Variants in NPHP4 observed in about 807,000 individuals in gnomAD.
The protein encoded by NPHP4 is nephrocystin-4.
NPHP4 carries 151 observed loss-of-function variants against 155.8 expected under a neutral mutation model. The observed-to-expected ratio is 0.97, with a 90% CI of 0.85 to 1.11. The LOEUF (loss-of-function observed/expected upper bound fraction) is 1.11, where lower values mean the gene tolerates loss of function less well. Among genes scored for constraint, NPHP4 ranks in the 50% least tolerant of loss-of-function variants. NPHP4 has a pLI of 0.00. For missense variants in NPHP4, 1,956 were observed against 1,925.7 expected, an observed-to-expected ratio of 1.02 and a Z score of -0.29; for synonymous variants, 845 against 816.8, an observed-to-expected ratio of 1.03 and a Z score of -0.59.
chr1:5,986,889 G>A (rs1430649365), intron 1 of NPHP4, among the ~76,000 whole-genome samples: 2 of 152,076 alleles, frequency 1.3e-5, no homozygotes, highest in African/African-American at 4.8e-5. Flanking sequence ...GTGGGTGGCT[G>A]CTGAAATACA....
rs1310939721 is a variant in NPHP4 at position 5,867,484 on chromosome 1, G to A, written c.3472+256C>T. The A allele has an allele frequency of 1.7e-5, 10 of 574,000 alleles. No individual in the cohort carries two copies. The Admixed American group carries it at 2.8e-4, about 16-fold the overall frequency. The allele number at this position is 574,000 out of a possible 1,614,324, so 35.6% of individuals were successfully genotyped here. A position where few individuals can be genotyped will look rare whatever the true frequency, so the allele number is the denominator to read the frequency against. ...GGTAGGTGTTCCTCCAGGCACACCTGGACCTGGGCCGCGGGAGCTGGGATT... is the reference window on the plus strand; with the variant it reads ...GGTAGGTGTTCCTCCAGGCACACCTAGACCTGGGCCGCGGGAGCTGGGATT... On this transcript the variant is annotated intron_variant, in intron 24 of 29. Transcript: ENST00000378156. This position sits in a 1 kb window ranked among gnomAD's most constrained non-coding sequence, Gnocchi z 4.1.
intron 17 of NPHP4, among the ~76,000 whole-genome samples, chr1:5,888,902 G>A (rs907018291): frequency 6.6e-6 from 1 of 152,182 alleles, no homozygotes; most frequent in African/African-American, 2.4e-5. Context: ...CATGTCATTA[G>A]GGAGAAGAGG....
At position 5,865,342 on chromosome 1, in the gene NPHP4, A is replaced by G. The variant is rs1193159129; in HGVS notation, c.3645-69T>C. ...AGCACCGGCCCACGAGAGGCCAACAAGGGCTGCCAGGAGCGTGGGCAGACA... is the reference window on the plus strand; with the variant it reads ...AGCACCGGCCCACGAGAGGCCAACAGGGGCTGCCAGGAGCGTGGGCAGACA... On this transcript the variant is annotated intron_variant, in intron 26 of 29. Coordinates refer to ENST00000378156, the MANE Select transcript of NPHP4 (RefSeq NM_015102.5). 2.9e-6 allele frequency: 4 copies of G among 1,364,858 alleles called. No individual in the cohort carries two copies. The South Asian group carries it at 4.5e-5, about 15-fold the overall frequency. The allele number at this position is 1,364,858 out of a possible 1,614,324, so 84.5% of individuals were successfully genotyped here.
chr1:5,875,705 G>A (rs1329379835), intron 20 of NPHP4, among the ~76,000 whole-genome samples: 1 of 152,208 alleles, frequency 6.6e-6, no homozygotes, highest in Non-Finnish European at 1.5e-5. Context: ...GGACTTACAA[G>A]AAAAAGTAAG....
intron 10 of NPHP4, among the ~76,000 whole-genome samples, chr1:5,931,962 T>C (rs1646298853): frequency 6.6e-6 from 1 of 151,916 alleles, no homozygotes; most frequent in Non-Finnish European, 1.5e-5. Context: ...TAGTCCTAGC[T>C]ACTCAGGACA....
chr1:5,982,185 T>C (rs974546195), intron 2 of NPHP4, among the ~76,000 whole-genome samples: 3 of 152,248 alleles, frequency 2.0e-5, no homozygotes, highest in Non-Finnish European at 2.9e-5. Context: ...CTCTATTATT[T>C]GTCCTTTATT....
intron 19 of NPHP4, among the ~76,000 whole-genome samples, chr1:5,878,591 A>ACC (rs1642866644): frequency 6.6e-6 from 1 of 152,254 alleles, no homozygotes; most frequent in African/African-American, 2.4e-5. Flanking sequence ...ATTTCGTGCA[A>ACC]CTTGCTAATT....
chr1:5,916,000 A>G (rs1645450648), intron 11 of NPHP4, among the ~76,000 whole-genome samples: 1 of 152,170 alleles, frequency 6.6e-6, no homozygotes, highest in Non-Finnish European at 1.5e-5. Flanking sequence ...ATCTAACTCC[A>G]CGTGTCCTGG....
chr1:5,946,357 T>C (rs1647098155), intron 9 of NPHP4, among the ~76,000 whole-genome samples: 1 of 152,234 alleles, frequency 6.6e-6, no homozygotes, highest in Non-Finnish European at 1.5e-5. Context: ...TATAGGTATA[T>C]ATAAAGTTCC....
intron 12 of NPHP4, 82 bp from the exon 13 acceptor site, chr1:5,907,304 C>T (rs944775994): frequency 6.8e-5 from 58 of 847,094 alleles, no homozygotes; most frequent in East Asian, 3.2e-4. Context: ...CTGGCCACAC[C>T]GGGGAACGGG....
chr1:5,932,974 TTATCA>T (rs1399525393), intron 10 of NPHP4, among the ~76,000 whole-genome samples, 168 bp downstream of exon 10: 11 of 152,356 alleles, frequency 7.2e-5, no homozygotes, highest in African/African-American at 2.6e-4. Flanking sequence ...AAAACTGGTC[TTATCA>T]GGTTTACATA....
rs1438232573 is a variant in NPHP4, at chr1:5,905,545, C to T, written c.1764-62G>A. ...AAGGGGGGACCCATTGATGCACCTC[C>T]CTGTGGAAACCCTGGGGTTCACAAG... On this transcript the variant is annotated intron_variant, in intron 14 of 29. Transcript: ENST00000378156. The surrounding 1 kb of genome is among the most constrained non-coding windows in gnomAD (Gnocchi z 4.0). 1.9e-6 allele frequency: 3 copies of T among 1,599,204 alleles called. No individual in the cohort carries two copies.
rs115910810 is a variant in NPHP4 at position 5,863,309 on chromosome 1, C to T, written c.4237G>A (p.Asp1413Asn). Reference sequence around the variant, plus strand: ...ACGCAAAATGCCTCTTCGTTTTTGTCCTCATGGTCATTGATGTAGATCAGG... The same window carrying T: ...ACGCAAAATGCCTCTTCGTTTTTGTTCTCATGGTCATTGATGTAGATCAGG... The part of the protein sequence containing the change: ...EILIYINDHE[D>N]KNEEAFCVKV... The change falls in exon 30 of 30, where the codon GAC becomes AAC. Residue 1413 changes from aspartate to asparagine, a missense_variant. Physicochemically the swap from Asp to Asn is conservative, Grantham distance 23 (BLOSUM62 1). Coordinates refer to ENST00000378156, the MANE Select transcript of NPHP4 (RefSeq NM_015102.5). 878 of 1,614,042 alleles carry T rather than the reference C, an allele frequency of 5.4e-4. 4 individuals are homozygous for T. In the African/African-American group the frequency reaches 0.011, roughly 19 times the overall value.
intron 11 of NPHP4, among the ~76,000 whole-genome samples, chr1:5,924,500 G>A (rs948058181): frequency 1.3e-5 from 2 of 152,042 alleles, no homozygotes; most frequent in Non-Finnish European, 2.9e-5. Context: ...GGGCAGCCAG[G>A]GAAGTAAAAC....
chr1:5,868,185 T>C (rs905349967), intron 23 of NPHP4: 3 of 490,012 alleles, frequency 6.1e-6, no homozygotes, highest in Admixed American at 2.8e-5. Context: ...TAAATGCCAG[T>C]GGAGAAGGTC....
At position 5,880,167 on chromosome 1, in the gene NPHP4, T is replaced by C; in HGVS notation, c.2558A>G (p.Asp853Gly). ...PPSRSRVISN[D>G]GASRFSGGSL... is the part of the protein sequence containing the mutation. ...GCCTCCAGAGAAGCGGCTGGCTCCA[T>C]CGTTTGAGATGACCCGAGATCTGGA... The change falls in exon 19 of 30, where the codon GAT (aspartate) becomes GGT (glycine). Residue 853 changes from aspartate (D) to glycine (G), a missense_variant. By Grantham distance (94) the Asp-to-Gly change is moderately conservative. Coordinates refer to ENST00000378156, the MANE Select transcript of NPHP4 (RefSeq NM_015102.5). The C allele has an allele frequency of 6.2e-7, 1 of 1,613,724 alleles. No individual in the cohort carries two copies. The highest frequency in any genetic ancestry group is 8.5e-7 in the Non-Finnish European group (1 of 1,179,784).
At chr1:5,913,326 C>CT (rs1645288160) in intron 11 of NPHP4, among the ~76,000 whole-genome samples, 1 of 152,182 alleles carries the variant, frequency 6.6e-6, no homozygotes. Context: ...CCAGAACCAA[C>CT]TGTGATCCAG....
chr1:5,928,635 C>T (rs915011034), intron 10 of NPHP4, among the ~76,000 whole-genome samples: 1 of 152,168 alleles, frequency 6.6e-6, no homozygotes, highest in African/African-American at 2.4e-5. Flanking sequence ...TAGTCTGTTC[C>T]ATTAACTGAA....
At chr1:5,875,755 G>C (rs1642529468) in intron 20 of NPHP4, among the ~76,000 whole-genome samples, 1 of 152,246 alleles carries the variant, frequency 6.6e-6, no homozygotes, top group African/African-American at 2.4e-5. Flanking sequence ...AGGCCTGGAA[G>C]GGGCCACCCC....
Sources: gnomAD v4.1 joint callset for allele counts (sites outside exome capture counted in the v4.1 genomes callset) on GRCh38, gnomAD v4.1.1 for gene constraint, Gnocchi (gnomAD v3.1) non-coding constraint, MANE v1.5 for transcripts, NCBI Gene and HGNC (gene_info 2026-07-23, HGNC 2026-07-21) for gene names.